Variants in HTR4 observed in about 807,000 individuals in gnomAD.
The protein encoded by HTR4 is 5-hydroxytryptamine (serotonin) receptor 4, G protein-coupled.
Under a neutral mutation model 36.8 loss-of-function variants are expected in HTR4, and 16 were observed. The ratio of observed to expected loss-of-function variants is 0.43; its 90% CI spans 0.29 to 0.66. The LOEUF is 0.66. Among genes scored for constraint, HTR4 ranks in the 30% least tolerant of loss-of-function variants. The pLI is 0.13. For missense variants in HTR4, 438 were observed against 490.9 expected, an observed-to-expected ratio of 0.89 and a Z score of 1.02; for synonymous variants, 189 against 185.1, an observed-to-expected ratio of 1.02 and a Z score of -0.17.
chr5:148,514,755 T>C (rs1026808783), intron 5 of HTR4, among the ~76,000 whole-genome samples: 2 of 152,200 alleles, frequency 1.3e-5, no homozygotes, highest in Non-Finnish European at 2.9e-5. Context: ...TCCTCTTGAA[T>C]TGATATTTTT....
intron 2 of HTR4, among the ~76,000 whole-genome samples, chr5:148,558,872 C>T (rs1034820088): frequency 1.3e-5 from 2 of 152,190 alleles, no homozygotes; most frequent in Non-Finnish European, 2.9e-5. Context: ...TGACAGTATA[C>T]ATCATTTATT....
At chr5:148,455,178 A>G (rs1755071467) in intron 5 of HTR4, among the ~76,000 whole-genome samples, 1 of 152,176 alleles carries the variant, frequency 6.6e-6, no homozygotes, top group Non-Finnish European at 1.5e-5. Context: ...ACAGATTAGA[A>G]AACTGAGGCT....
At chr5:148,496,891 C>T (rs185154908) in intron 6 of HTR4, among the ~76,000 whole-genome samples, 5 of 152,330 alleles carry the variant, frequency 3.3e-5, no homozygotes, top group Admixed American at 6.5e-5. Context: ...CTGCTGCATG[C>T]TGCCTTCTGC....
At chr5:148,492,393 T>C (rs1034274138) in intron 6 of HTR4, among the ~76,000 whole-genome samples, 1 of 152,232 alleles carries the variant, frequency 6.6e-6, no homozygotes, top group Non-Finnish European at 1.5e-5. Flanking sequence ...CTCATGTTGC[T>C]TAAACAATTG....
intron 4 of HTR4, among the ~76,000 whole-genome samples, chr5:148,548,344 T>G (rs998724582): frequency 1.3e-5 from 2 of 152,234 alleles, no homozygotes; most frequent in Non-Finnish European, 2.9e-5. Context: ...CTTAGCTTCT[T>G]CAGAATTTTG....
chr5:148,578,831 T>C (rs1370050024), intron 2 of HTR4, among the ~76,000 whole-genome samples: 1 of 152,094 alleles, frequency 6.6e-6, no homozygotes, highest in African/African-American at 2.4e-5. Context: ...AAATATTATT[T>C]GTAGCTACAG....
chr5:148,460,914 T>C (rs996111761), intron 5 of HTR4, among the ~76,000 whole-genome samples: 8 of 152,212 alleles, frequency 5.3e-5, no homozygotes, highest in African/African-American at 1.9e-4. Flanking sequence ...CATAAGTTGG[T>C]GACTATCTGT....
chr5:148,563,854 T>C (rs1760321544), intron 2 of HTR4, among the ~76,000 whole-genome samples: 1 of 152,178 alleles, frequency 6.6e-6, no homozygotes, highest in African/African-American at 2.4e-5. Context: ...TCCTTAGACT[T>C]TGGTACCCCA....
chr5:148,492,902 G>A (rs34729481), intron 6 of HTR4, among the ~76,000 whole-genome samples: 69,420 of 152,018 alleles, frequency 0.46, 16,323 homozygotes, highest in African/African-American at 0.57. Flanking sequence ...TTACATACCA[G>A]TGGTCGCCTT....
chr5:148,577,894 A>G (rs368477788), intron 2 of HTR4, among the ~76,000 whole-genome samples: 1 of 151,992 alleles, frequency 6.6e-6, no homozygotes, highest in South Asian at 2.1e-4. Flanking sequence ...GGGTGATGAA[A>G]TAATCTGTAC....
At chr5:148,611,854 CA>C (rs1175019152) in intron 2 of HTR4, among the ~76,000 whole-genome samples, 6 of 150,478 alleles carry the variant, frequency 4.0e-5, no homozygotes, top group African/African-American at 4.9e-5. Context: ...AAATGGAAAA[CA>C]AAAAAAGGCA....
chr5:148,628,146 A>T (rs1047839895), intron 2 of HTR4, among the ~76,000 whole-genome samples: 4 of 152,256 alleles, frequency 2.6e-5, no homozygotes, highest in Non-Finnish European at 5.9e-5. Flanking sequence ...CTAGGCCTTC[A>T]GTTTGAGAAC....
chr5:148,512,014 TC>T, intron 5 of HTR4, among the ~76,000 whole-genome samples: 1 of 152,172 alleles, frequency 6.6e-6, no homozygotes, highest in African/African-American at 2.4e-5. Flanking sequence ...TTGACATCAC[TC>T]CTTTTGGAAA....
intron 2 of HTR4, among the ~76,000 whole-genome samples, chr5:148,632,532 G>A (rs1160258230): frequency 6.6e-6 from 1 of 152,108 alleles, no homozygotes; most frequent in Non-Finnish European, 1.5e-5. Flanking sequence ...AGAAGCTACC[G>A]TTAAAAAGAA....
At chr5:148,507,145 C>T (rs1757259716) in intron 6 of HTR4, among the ~76,000 whole-genome samples, 1 of 151,882 alleles carries the variant, frequency 6.6e-6, no homozygotes, top group East Asian at 1.9e-4. Context: ...CAATGATAGA[C>T]AGGATTAAGA....
At chr5:148,557,763 T>C (rs1760020316) in intron 2 of HTR4, among the ~76,000 whole-genome samples, 1 of 148,168 alleles carries the variant, frequency 6.7e-6, no homozygotes, top group South Asian at 2.1e-4. Context: ...ATAATACATA[T>C]ATATAATATA....
rs201426874 is a variant in HTR4, at chr5:148,625,172, A to G, written c.26+11817T>C. On this transcript the variant is annotated intron_variant, in intron 2 of 6. Coordinates refer to ENST00000377888, the MANE Select transcript of HTR4 (RefSeq NM_000870.7). ...GGCCAGTCGTCTGGCTGAAAAATGA[A>G]TTGGAGTTAGGGAGTCAAAAAGGTG... 4.9e-4 allele frequency among the ~76,000 whole-genome samples: 75 copies of G among 152,300 alleles called. 1 individual carries two copies. The highest frequency in any genetic ancestry group is 9.0e-4 in the Non-Finnish European group (61 of 68,024).
At chr5:148,631,758 T>C (rs1323003913) in intron 2 of HTR4, among the ~76,000 whole-genome samples, 1 of 152,200 alleles carries the variant, frequency 6.6e-6, no homozygotes, top group Non-Finnish European at 1.5e-5. Flanking sequence ...TCTAAAGTAA[T>C]GAATTGTGAC....
rs964502484 is a variant in HTR4, at chr5:148,451,355, G to T, written c.1077-83C>A. On this transcript the variant is annotated intron_variant, in intron 5 of 5. Transcript: ENST00000521530. The stretch of plus-strand genomic sequence containing the variant: ...AGTCAAGAGCACTCCTTCTACTCTT[G>T]ACTTCCTTTCTTTGCATACTTCTGA... 3 of 1,600,306 alleles carry T rather than the reference G, an allele frequency of 1.9e-6. No individual in the cohort carries two copies. The Admixed American group carries it at 5.1e-5, about 27-fold the overall frequency.
Sources: gnomAD v4.1 joint callset for allele counts (sites outside exome capture counted in the v4.1 genomes callset) on GRCh38, gnomAD v4.1.1 for gene constraint, MANE v1.5 for transcripts, NCBI Gene and HGNC (gene_info 2026-07-23, HGNC 2026-07-21) for gene names.